TMIGD3: variants seen among roughly 807,000 people sequenced by gnomAD.
TMIGD3 encodes the protein AD026 protein (AD026).
Under a neutral mutation model 28.1 loss-of-function variants are expected in TMIGD3, and 21 were observed. That is an observed-to-expected ratio of 0.75 (90% CI 0.53 to 1.08). The LOEUF is 1.08. Ranked by LOEUF, TMIGD3 falls within the 50% of genes least tolerant of loss-of-function variation. The pLI is 0.00. For synonymous variants in TMIGD3, 151 were observed against 162.1 expected (o/e 0.93, Z 0.52); for missense variants, 416 against 435.6 (o/e 0.96, Z 0.40).
At chr1:111,542,508 A>G (rs1334064525) in intron 1 of TMIGD3, 1 of 197,478 alleles carries the variant, frequency 5.1e-6, no homozygotes, top group Non-Finnish European at 1.1e-5. Context: ...AGTCAGCAGA[A>G]GGTGGGAAAT....
intron 1 of TMIGD3, chr1:111,499,857 G>A: frequency 6.5e-7 from 1 of 1,543,518 alleles, no homozygotes; most frequent in Non-Finnish European, 8.7e-7. Context: ...AATCAAGGAT[G>A]TAAAAATCCC....
At chr1:111,509,680 C>T (rs1655627336) in intron 1 of TMIGD3, among the ~76,000 whole-genome samples, 1 of 152,204 alleles carries the variant, frequency 6.6e-6, no homozygotes, top group Non-Finnish European at 1.5e-5. Context: ...AGATAAGCAA[C>T]CTTCTGATTT....
At chr1:111,539,504 GC>G (rs1342656614) in intron 1 of TMIGD3, among the ~76,000 whole-genome samples, 2 of 152,098 alleles carry the variant, frequency 1.3e-5, no homozygotes, top group Non-Finnish European at 2.9e-5. Context: ...CACCGTGTTG[GC>G]CAGGATGGTC....
rs1026133134 is a variant in TMIGD3, at chr1:111,529,589, T to C, written c.107+34257A>G. 6.0e-5 allele frequency among the ~76,000 whole-genome samples: 9 copies of C among 149,762 alleles called. No homozygotes were observed. The East Asian group carries it at 1.8e-3, about 29-fold the overall frequency. ...ATGACTCTTAAGGAGCATGCTGCCT[T>C]CAAGCATCTGTTTAACAAAGCACAT... is the stretch of plus-strand genomic sequence containing the variant. On this transcript the variant is annotated intron_variant, in intron 1 of 5. Transcript: ENST00000369717.
intron 5 of TMIGD3, among the ~76,000 whole-genome samples, chr1:111,484,845 T>C (rs1654283680): frequency 6.6e-6 from 1 of 152,234 alleles, no homozygotes; most frequent in Admixed American, 6.5e-5. Flanking sequence ...GGTGTTCCTG[T>C]GATTTCTGAG....
intron 1 of TMIGD3, among the ~76,000 whole-genome samples, chr1:111,558,436 C>G (rs572210557): frequency 3.9e-5 from 6 of 152,228 alleles, no homozygotes; most frequent in African/African-American, 1.4e-4. Context: ...ATCCACCTGC[C>G]TCAGCCTCCC....
chr1:111,529,736 A>C (rs988545670), intron 1 of TMIGD3, among the ~76,000 whole-genome samples: 2 of 151,616 alleles, frequency 1.3e-5, no homozygotes, highest in African/African-American at 4.8e-5. Flanking sequence ...TTCTTAGTAC[A>C]GAACAAAATG....
intron 1 of TMIGD3, among the ~76,000 whole-genome samples, chr1:111,514,682 C>T (rs923762679): frequency 1.3e-5 from 2 of 150,256 alleles, no homozygotes; most frequent in Admixed American, 6.6e-5. Flanking sequence ...TACCATGCTG[C>T]CTCCCTTAAA....
intron 1 of TMIGD3, among the ~76,000 whole-genome samples, chr1:111,557,077 C>T (rs1344499757): frequency 6.6e-6 from 1 of 151,702 alleles, no homozygotes; most frequent in Admixed American, 6.6e-5. Flanking sequence ...CTTTGTAAAA[C>T]CACAGATCTA....
chr1:111,521,850 C>A (rs748530125), intron 1 of TMIGD3, among the ~76,000 whole-genome samples: 2 of 152,120 alleles, frequency 1.3e-5, no homozygotes, highest in African/African-American at 2.4e-5. Context: ...GCCACTAGGA[C>A]CTTCTCCTGT....
chr1:111,506,132 G>A (rs1438090955), upstream of TMIGD3, among the ~76,000 whole-genome samples: 1 of 152,158 alleles, frequency 6.6e-6, no homozygotes, highest in Non-Finnish European at 1.5e-5. Context: ...TCTCCTCTGG[G>A]ACCACACTGT....
At chr1:111,536,097 G>C (rs1656630184) in intron 1 of TMIGD3, among the ~76,000 whole-genome samples, 1 of 152,060 alleles carries the variant, frequency 6.6e-6, no homozygotes, top group African/African-American at 2.4e-5. Context: ...TATGGCAACG[G>C]GATCCTTTAA....
intron 1 of TMIGD3, among the ~76,000 whole-genome samples, chr1:111,543,902 G>T (rs1656940352): frequency 6.6e-6 from 1 of 152,124 alleles, no homozygotes; most frequent in Non-Finnish European, 1.5e-5. Context: ...GACAATGATA[G>T]GCAAAGATGG....
At chr1:111,551,110 T>C (rs919378939) in intron 1 of TMIGD3, among the ~76,000 whole-genome samples, 6 of 152,218 alleles carry the variant, frequency 3.9e-5, no homozygotes, top group African/African-American at 9.6e-5. Flanking sequence ...TCTTTTACTT[T>C]CAACCTGTTT....
chr1:111,543,921 T>C (rs954880192), intron 1 of TMIGD3, among the ~76,000 whole-genome samples: 1 of 152,274 alleles, frequency 6.6e-6, no homozygotes, highest in East Asian at 1.9e-4. Flanking sequence ...GGGGCTCTCT[T>C]CTTAGGAGGT....
chr1:111,562,879 G>T (rs192012560), intron 1 of TMIGD3, among the ~76,000 whole-genome samples: 1 of 152,206 alleles, frequency 6.6e-6, no homozygotes, highest in Non-Finnish European at 1.5e-5. Context: ...AATACAAGTA[G>T]ATGCTTAGCC....
At position 111,530,063 on chromosome 1, in the gene TMIGD3, G is replaced by A. The variant is rs547028224; in HGVS notation, c.107+33783C>T. 5.9e-4 allele frequency among the ~76,000 whole-genome samples: 89 copies of A among 151,640 alleles called. 4 individuals carry two copies. Among genetic ancestry groups the A allele is most frequent in the Middle Eastern group, 3.4e-3 (1 of 292 alleles). ...GGGCAGAGGGGCTCCTCACTTCCCA[G>A]TAGGGGCGGCCGGGCAGAGGCGCCC... On this transcript the variant is annotated intron_variant, in intron 1 of 5. Coordinates refer to the TMIGD3 transcript ENST00000369717.
chr1:111,550,925 T>A (rs1056906040), intron 1 of TMIGD3, among the ~76,000 whole-genome samples: 10 of 152,368 alleles, frequency 6.6e-5, no homozygotes, highest in Non-Finnish European at 1.3e-4. Context: ...GATGTGTACA[T>A]GTTTATCATT....
At chr1:111,563,909 C>A (rs1657845905) in exon 1 of TMIGD3, 2 of 1,613,838 alleles carry the variant, frequency 1.2e-6, no homozygotes, top group African/African-American at 1.3e-5. Flanking sequence ...GCTTTCCCAC[C>A]TGGCCTCCTT....
Sources: allele counts gnomAD v4.1 joint callset (sites outside exome capture counted in the v4.1 genomes callset), GRCh38; gene constraint gnomAD v4.1.1; transcripts MANE v1.5; gene names NCBI Gene and HGNC (gene_info 2026-07-23, HGNC 2026-07-21).